OSBPL3: variants seen among roughly 807,000 people sequenced by gnomAD.
OSBPL3 encodes oxysterol-binding protein-related protein 3.
OSBPL3 carries 65 observed loss-of-function variants against 120.1 expected under a neutral mutation model. That is an observed-to-expected ratio of 0.54 (90% confidence interval 0.44 to 0.67). OSBPL3 has a LOEUF of 0.67. Ranked by LOEUF, OSBPL3 falls within the 30% of genes least tolerant of loss-of-function variation. OSBPL3 has a pLI of 0.00. For missense variants in OSBPL3, 1,004 were observed against 1,082.1 expected (o/e 0.93, Z 1.01); for synonymous variants, 416 against 402.6 (o/e 1.03, Z -0.40).
chr7:24,904,146 G>A (rs1451885400), intron 1 of OSBPL3, among the ~76,000 whole-genome samples: 2 of 152,164 alleles, frequency 1.3e-5, no homozygotes, highest in Non-Finnish European at 2.9e-5. Flanking sequence ...GCCTCCCAGA[G>A]TGCTGGGATT....
intron 1 of OSBPL3, among the ~76,000 whole-genome samples, chr7:24,908,099 C>G (rs1023437789): frequency 8.5e-5 from 13 of 152,300 alleles, no homozygotes; most frequent in Admixed American, 8.5e-4. Context: ...CATCATTTCT[C>G]TCTTTTCTCT....
At chr7:24,860,106 G>T (rs976510299) in intron 10 of OSBPL3, among the ~76,000 whole-genome samples, 8 of 152,096 alleles carry the variant, frequency 5.3e-5, no homozygotes, top group Admixed American at 5.2e-4. Context: ...TACATTCACT[G>T]ATCTGTTTGT....
rs1203346859 is a variant in OSBPL3, at chr7:24,959,349, GATAA to G, written c.-150+20533_-150+20536del. On this transcript the variant is annotated intron_variant, in intron 1 of 22. Coordinates refer to ENST00000313367, the MANE Select transcript of OSBPL3 (RefSeq NM_015550.4). The surrounding 1 kb of genome is among the most constrained non-coding windows in gnomAD (Gnocchi z 4.3). ...ACAAATGTTTATCAATAGTAGAATG[GATAA>G]ATAAATTTTGGCATATTAACACAAT... Among the ~76,000 whole-genome samples the G allele has an allele frequency of 6.6e-5, 10 of 152,096 alleles. No homozygotes were observed. The highest frequency in any genetic ancestry group is 2.1e-4 in the South Asian group (1 of 4,826).
chr7:24,924,292 G>A (rs1810765701), intron 1 of OSBPL3, among the ~76,000 whole-genome samples: 1 of 152,196 alleles, frequency 6.6e-6, no homozygotes, highest in East Asian at 1.9e-4. Flanking sequence ...GATAATAGGA[G>A]GCCACATTTG....
rs1812994057 is a variant in OSBPL3 at position 24,940,808 on chromosome 7, C to T, written c.-150+39078G>A. On this transcript the variant is annotated intron_variant, in intron 1 of 22. Coordinates refer to ENST00000313367, the MANE Select transcript of OSBPL3 (RefSeq NM_015550.4). This position sits in a 1 kb window ranked among gnomAD's most constrained non-coding sequence, Gnocchi z 4.4. Reference sequence around the variant, plus strand: ...CACATCGCTCTTCTTAACATTTCTTCCTTTTTTTTCTTTTTTTTTTTGTGT... The same window carrying T: ...CACATCGCTCTTCTTAACATTTCTTTCTTTTTTTTCTTTTTTTTTTTGTGT... Among the ~76,000 whole-genome samples the T allele has an allele frequency of 7.6e-6, 1 of 131,286 alleles. No homozygotes were observed. Among genetic ancestry groups the T allele is most frequent in the African/African-American group, 3.0e-5 (1 of 33,142 alleles). 86.1% of individuals were successfully genotyped at this position (131,286 alleles called of 152,430 possible).
Position 24,933,249 on chromosome 7 carries a change from A to G in OSBPL3, c.-149-40628T>C, listed in dbSNP as rs150089079. Among the ~76,000 whole-genome samples, 359 of 152,322 alleles carry G rather than the reference A, an allele frequency of 2.4e-3. No individual in the cohort carries two copies. The highest frequency in any genetic ancestry group is 7.8e-3 in the African/African-American group (325 of 41,574). Reference sequence around the variant, plus strand: ...GAAAAGATCATGAGTACCACCTGCAAACTCCCAAAAAGGCAGTCAAATAAG... The same window carrying G: ...GAAAAGATCATGAGTACCACCTGCAGACTCCCAAAAAGGCAGTCAAATAAG... On this transcript the variant is annotated intron_variant, in intron 1 of 22. Coordinates refer to ENST00000313367, the MANE Select transcript of OSBPL3 (RefSeq NM_015550.4). This position sits in a 1 kb window ranked among gnomAD's most constrained non-coding sequence, Gnocchi z 5.1.
At chr7:24,920,997 G>A (rs1332143422) in intron 1 of OSBPL3, among the ~76,000 whole-genome samples, 1 of 152,146 alleles carries the variant, frequency 6.6e-6, no homozygotes, top group Non-Finnish European at 1.5e-5. Context: ...AGATCCCAAA[G>A]GCTTTCTTCT....
Position 24,833,202 on chromosome 7 carries a change from CAAGA to C in OSBPL3, c.1746+1280_1746+1283del. On this transcript the variant is annotated intron_variant, in intron 15 of 22. Transcript: ENST00000313367. This position sits in a 1 kb window ranked among gnomAD's most constrained non-coding sequence, Gnocchi z 4.4. ...TGTCTCCTACCCTGATTATCAGTAA[CAAGA>C]AAGAAAGTCTCTTGGGCCAGGTACA... Among the ~76,000 whole-genome samples, 2 of 152,150 alleles carry C rather than the reference CAAGA, an allele frequency of 1.3e-5. No individual in the cohort carries two copies. The highest frequency in any genetic ancestry group is 2.1e-4 in the South Asian group (1 of 4,810).
Position 24,863,193 on chromosome 7 carries a change from T to C in OSBPL3, c.870+7A>G, listed in dbSNP as rs1480874427. The stretch of plus-strand genomic sequence containing the variant: ...GAAACCAGTCTGTCAGGGGAAGCAA[T>C]GGTTACCTGCAGTGTTCCTTTAGCA... On this transcript the variant is annotated splice_region_variant and intron_variant, in intron 9 of 22. Coordinates refer to ENST00000313367, the MANE Select transcript of OSBPL3 (RefSeq NM_015550.4). The surrounding 1 kb of genome is among the most constrained non-coding windows in gnomAD (Gnocchi z 5.8). The C allele has an allele frequency of 1.2e-6, 2 of 1,606,874 alleles. No individual in the cohort carries two copies. Among genetic ancestry groups the C allele is most frequent in the South Asian group, 1.1e-5 (1 of 90,918 alleles).
chr7:24,979,593 G>A (rs937261774), intron 1 of OSBPL3, among the ~76,000 whole-genome samples: 3 of 151,994 alleles, frequency 2.0e-5, no homozygotes, highest in South Asian at 2.1e-4. Flanking sequence ...CCGCACCTGC[G>A]CCGCGGCCCC....
chr7:24,931,268 T>C (rs1332342502), intron 1 of OSBPL3, among the ~76,000 whole-genome samples: 1 of 152,216 alleles, frequency 6.6e-6, no homozygotes, highest in African/African-American at 2.4e-5. Context: ...TTGGGAACTC[T>C]GGGTTATAAG....
In OSBPL3 at chr7:24,891,889, A is replaced by T. The variant is rs1805406255; in HGVS notation, c.96+488T>A. On this transcript the variant is annotated intron_variant, in intron 2 of 22. Transcript: ENST00000313367. This position sits in a 1 kb window ranked among gnomAD's most constrained non-coding sequence, Gnocchi z 4.1. ...GCTACTAACAGGGCAATCTGTGGTT[A>T]CAAGCTGCCATAAAAGGTTTGATGA... Among the ~76,000 whole-genome samples the T allele has an allele frequency of 6.6e-6, 1 of 152,358 alleles. No individual in the cohort carries two copies. Among genetic ancestry groups the T allele is most frequent in the Admixed American group, 6.5e-5 (1 of 15,308 alleles).
rs113737363 is a variant in OSBPL3 at position 24,886,808 on chromosome 7, G to A, written c.96+5569C>T. On this transcript the variant is annotated intron_variant, in intron 2 of 22. Transcript: ENST00000313367. ...GTGAAGGCTTCTCTCAAATCCTGTC[G>A]TGGGGCCTGGCAGAACTGGGCTGTT... Among the ~76,000 whole-genome samples the A allele has an allele frequency of 7.2e-5, 11 of 152,264 alleles. No homozygotes were observed. In the East Asian group the frequency reaches 1.5e-3, roughly 21 times the overall value.
chr7:24,978,539 C>A (rs978242863), intron 1 of OSBPL3, among the ~76,000 whole-genome samples: 1 of 152,242 alleles, frequency 6.6e-6, no homozygotes, highest in South Asian at 2.1e-4. Context: ...AGGGGATGGT[C>A]ATTTAGCTTG....
At chr7:24,889,863 G>A (rs1454119292) in intron 2 of OSBPL3, among the ~76,000 whole-genome samples, 1 of 152,232 alleles carries the variant, frequency 6.6e-6, no homozygotes, top group South Asian at 2.1e-4. Flanking sequence ...TGAGAAGGGA[G>A]ACACAGCCTC....
At chr7:24,979,563 G>A (rs1008882669) in intron 1 of OSBPL3, among the ~76,000 whole-genome samples, 11 of 152,196 alleles carry the variant, frequency 7.2e-5, no homozygotes, top group South Asian at 2.1e-4. Flanking sequence ...GCCCAGGACA[G>A]CTCCGCGCGC....
At chr7:24,840,828 A>C in intron 13 of OSBPL3, 45 bp from the exon 14 acceptor site, 5 of 882,326 alleles carry the variant, frequency 5.7e-6, no homozygotes, top group Non-Finnish European at 7.2e-6. Flanking sequence ...AGAATAAACA[A>C]GAGCCAGATT....
At chr7:24,889,478 G>A (rs1805015648) in intron 2 of OSBPL3, among the ~76,000 whole-genome samples, 1 of 152,118 alleles carries the variant, frequency 6.6e-6, no homozygotes, top group Non-Finnish European at 1.5e-5. Flanking sequence ...ACTATGGGGG[G>A]TGATGGGTAT....
In OSBPL3 at chr7:24,918,047, C is replaced by T; in HGVS notation, c.-149-25426G>A. The T allele has an allele frequency of 1.0e-6, 1 of 982,900 alleles. No homozygotes were observed. The highest frequency in any genetic ancestry group is 1.2e-6 in the Non-Finnish European group (1 of 827,636). The allele number at this position is 982,900 out of a possible 1,614,324, so 60.9% of individuals were successfully genotyped here. ...TCCATAAAATGACTAGCACTCTTAC[C>T]TATAAAGGTTGGCTTATCCTCGACG... On this transcript the variant is annotated intron_variant, in intron 1 of 22. Transcript: ENST00000313367. This position sits in a 1 kb window ranked among gnomAD's most constrained non-coding sequence, Gnocchi z 4.3.
Sources: allele counts gnomAD v4.1 joint callset (sites outside exome capture counted in the v4.1 genomes callset), GRCh38; gene constraint gnomAD v4.1.1; non-coding constraint Gnocchi (gnomAD v3.1); transcripts MANE v1.5; gene names NCBI Gene and HGNC (gene_info 2026-07-23, HGNC 2026-07-21).